Variants in XKR6 observed in about 807,000 individuals in gnomAD.
XKR6 encodes the protein XK related 6, also known as XK-related protein 6.
A neutral mutation model predicts 56.7 loss-of-function variants in XKR6; 22 were observed. The ratio of observed to expected loss-of-function variants is 0.39; its 90% CI spans 0.28 to 0.55. The LOEUF (loss-of-function observed/expected upper bound fraction) is 0.55, where lower values mean the gene tolerates loss of function less well. XKR6 is among the 20% of genes least tolerant of loss of function. XKR6 has a pLI of 0.66. For synonymous variants in XKR6, 524 were observed against 387.8 expected (o/e 1.35, Z -4.13); for missense variants, 852 against 889.0 (o/e 0.96, Z 0.53).
chr8:10,956,742 G>A (rs1358196894), intron 1 of XKR6, among the ~76,000 whole-genome samples: 1 of 152,158 alleles, frequency 6.6e-6, no homozygotes, highest in Non-Finnish European at 1.5e-5. Context: ...CACAGTGACC[G>A]GCTGCCCCTT....
chr8:11,052,172 A>C (rs1398375157), intron 1 of XKR6, among the ~76,000 whole-genome samples: 1 of 151,624 alleles, frequency 6.6e-6, no homozygotes, highest in African/African-American at 2.4e-5. Context: ...TTCCCACCCC[A>C]GGGGAGCTGC....
intron 1 of XKR6, among the ~76,000 whole-genome samples, chr8:10,927,745 T>G (rs1364813119): frequency 6.6e-6 from 1 of 152,090 alleles, no homozygotes; most frequent in African/African-American, 2.4e-5. Context: ...GGAGCCAATC[T>G]TGATGCTCTC....
chr8:11,142,493 C>A (rs1188692270), intron 1 of XKR6, among the ~76,000 whole-genome samples: 1 of 152,134 alleles, frequency 6.6e-6, no homozygotes, highest in African/African-American at 2.4e-5. Context: ...GTGTTTGGAT[C>A]ATGGGAGCAG....
intron 1 of XKR6, among the ~76,000 whole-genome samples, chr8:10,928,658 A>G (rs1400212568): frequency 1.3e-5 from 2 of 152,158 alleles, no homozygotes; most frequent in Non-Finnish European, 2.9e-5. Context: ...CAGGCAAGTG[A>G]TCTCATCCCA....
intron 1 of XKR6, among the ~76,000 whole-genome samples, chr8:10,981,335 G>C (rs536791040): frequency 6.6e-6 from 1 of 152,298 alleles, no homozygotes; most frequent in African/African-American, 2.4e-5. Flanking sequence ...CGGATGCACT[G>C]CACGTTCCAG....
At chr8:10,962,248 C>T (rs1802085719) in intron 1 of XKR6, among the ~76,000 whole-genome samples, 1 of 152,140 alleles carries the variant, frequency 6.6e-6, no homozygotes, top group African/African-American at 2.4e-5. Context: ...ATAATATTAT[C>T]ATACAATAGA....
chr8:11,074,117 G>A (rs1046445376), intron 1 of XKR6, among the ~76,000 whole-genome samples: 5 of 152,228 alleles, frequency 3.3e-5, no homozygotes, highest in Admixed American at 1.3e-4. Context: ...CTTCAAAGAC[G>A]CAGCTTTGAG....
intron 1 of XKR6, among the ~76,000 whole-genome samples, chr8:11,079,654 C>T (rs1797646631): frequency 6.6e-6 from 1 of 152,176 alleles, no homozygotes; most frequent in African/African-American, 2.4e-5. Flanking sequence ...GACCAGGTAA[C>T]GTTGTTGTGA....
intron 1 of XKR6, among the ~76,000 whole-genome samples, chr8:11,036,256 C>T (rs1296844741): frequency 6.6e-6 from 1 of 152,152 alleles, no homozygotes; most frequent in East Asian, 1.9e-4. Flanking sequence ...CCTGGAAGTT[C>T]CTTCTTACCA....
Position 10,994,584 on chromosome 8 carries a change from G to A in XKR6, c.765-69754C>T, listed in dbSNP as rs796946032. Reference sequence around the variant, plus strand: ...CTGGGAACCAGAGTCCATGATCAGAGTTGGGAGTAACCTGTGTGTTATTTC... The same window carrying A: ...CTGGGAACCAGAGTCCATGATCAGAATTGGGAGTAACCTGTGTGTTATTTC... On this transcript the variant is annotated intron_variant, in intron 1 of 2. Coordinates refer to ENST00000416569, the MANE Select transcript of XKR6 (RefSeq NM_173683.4). 2.6e-4 allele frequency among the ~76,000 whole-genome samples: 40 copies of A among 152,312 alleles called. 1 individual carries two copies. The highest frequency in any genetic ancestry group is 9.4e-4 in the African/African-American group (39 of 41,562).
At chr8:11,174,801 C>G (rs574513388) in intron 1 of XKR6, among the ~76,000 whole-genome samples, 6 of 152,284 alleles carry the variant, frequency 3.9e-5, no homozygotes, top group Admixed American at 3.9e-4. Flanking sequence ...ATTATCTCAT[C>G]CACAGCACCA....
chr8:10,924,329 A>G (rs1800810686), intron 2 of XKR6, among the ~76,000 whole-genome samples: 1 of 152,238 alleles, frequency 6.6e-6, no homozygotes, highest in Non-Finnish European at 1.5e-5. Flanking sequence ...GCACCCAAGG[A>G]CAGGGGCCAC....
At chr8:11,069,955 G>C (rs1360036223) in intron 1 of XKR6, among the ~76,000 whole-genome samples, 1 of 152,202 alleles carries the variant, frequency 6.6e-6, no homozygotes, top group Non-Finnish European at 1.5e-5. Flanking sequence ...AGTCAATAGA[G>C]GCCAGGCTGC....
At chr8:11,059,512 G>C (rs962727924) in intron 1 of XKR6, among the ~76,000 whole-genome samples, 9 of 151,944 alleles carry the variant, frequency 5.9e-5, no homozygotes, top group African/African-American at 2.2e-4. Flanking sequence ...CTGCGCGGGC[G>C]GCGCCGCTCC....
intron 1 of XKR6, among the ~76,000 whole-genome samples, chr8:11,120,235 G>A (rs902979439): frequency 6.6e-6 from 1 of 152,186 alleles, no homozygotes; most frequent in East Asian, 1.9e-4. Context: ...AAGAAAAGAG[G>A]AAGTCAAATT....
chr8:11,060,852 G>A (rs1007215210), intron 1 of XKR6, among the ~76,000 whole-genome samples: 1 of 152,206 alleles, frequency 6.6e-6, no homozygotes, highest in African/African-American at 2.4e-5. Flanking sequence ...TCCAGTGATA[G>A]CAAGTGTGCC....
intron 1 of XKR6, among the ~76,000 whole-genome samples, chr8:10,952,106 CT>C (rs1801744780): frequency 6.6e-6 from 1 of 152,184 alleles, no homozygotes; most frequent in Non-Finnish European, 1.5e-5. Flanking sequence ...CCTCCTGCCC[CT>C]CTCCAGGCTT....
At position 10,946,895 on chromosome 8, in the gene XKR6, C is replaced by T. The variant is rs528286559; in HGVS notation, c.765-22065G>A. On this transcript the variant is annotated intron_variant, in intron 1 of 2. Transcript: ENST00000416569. Reference sequence around the variant, plus strand: ...GAGTGCTCAAGGATGGGGGAGAGTTCACCAAGCAGCTAAGGGAAAGAGGGT... The same window carrying T: ...GAGTGCTCAAGGATGGGGGAGAGTTTACCAAGCAGCTAAGGGAAAGAGGGT... Among the ~76,000 whole-genome samples the T allele has an allele frequency of 5.2e-4, 79 of 152,240 alleles. No homozygotes were observed. In the South Asian group the frequency reaches 6.0e-3, roughly 12 times the overall value.
intron 2 of XKR6, among the ~76,000 whole-genome samples, chr8:10,915,641 A>C (rs1265346566): frequency 6.6e-6 from 1 of 152,204 alleles, no homozygotes; most frequent in African/African-American, 2.4e-5. Context: ...TCTGTTAAAA[A>C]TTCTTGCAAA....
Sources: allele counts gnomAD v4.1 joint callset (sites outside exome capture counted in the v4.1 genomes callset), GRCh38; gene constraint gnomAD v4.1.1; transcripts MANE v1.5; gene names NCBI Gene and HGNC (gene_info 2026-07-23, HGNC 2026-07-21).